Variants in SHOC1 observed in about 807,000 individuals in gnomAD.
SHOC1 encodes protein shortage in chiasmata 1 ortholog.
A neutral mutation model predicts 179.2 loss-of-function variants in SHOC1; 136 were observed. That is an observed-to-expected ratio of 0.76 (90% CI 0.66 to 0.87). The LOEUF (loss-of-function observed/expected upper bound fraction) is 0.87. Among genes scored for constraint, SHOC1 ranks in the 40% least tolerant of loss-of-function variants. The probability of loss-of-function intolerance (pLI) is 0.00; values close to 1 mark genes in which losing one functional copy is unlikely to be tolerated. For missense variants in SHOC1, 1,538 were observed against 1,700.8 expected, an observed-to-expected ratio of 0.90 and a Z score of 1.68; for synonymous variants, 489 against 586.6, an observed-to-expected ratio of 0.83 and a Z score of 2.41.
intron 4 of SHOC1, among the ~76,000 whole-genome samples, chr9:111,777,112 C>T (rs1835864980): frequency 6.6e-6 from 1 of 152,014 alleles, no homozygotes; most frequent in African/African-American, 2.4e-5. Context: ...GGTGGGATCG[C>T]AGAACTGGTT....
Position 111,781,132 on chromosome 9 carries a change from A to G in SHOC1, c.170-115T>C, listed in dbSNP as rs187733028. On this transcript the variant is annotated intron_variant, in intron 3 of 27. Coordinates refer to ENST00000682961, the MANE Select transcript of SHOC1 (RefSeq NM_001378211.1). Reference sequence around the variant, plus strand: ...TTTATCTTTATTTATTCACAAATGTATTTTTTCAAAGTGATACCTGATTCC... The same window carrying G: ...TTTATCTTTATTTATTCACAAATGTGTTTTTTCAAAGTGATACCTGATTCC... The G allele has an allele frequency of 1.5e-5, 11 of 720,594 alleles. No homozygotes were observed. In the African/African-American group the frequency reaches 1.6e-4, roughly 11 times the overall value. 44.6% of individuals were successfully genotyped at this position (720,594 alleles called of 1,614,324 possible).
At chr9:111,737,013 C>A (rs1399696290) in intron 12 of SHOC1, among the ~76,000 whole-genome samples, 1 of 152,096 alleles carries the variant, frequency 6.6e-6, no homozygotes, top group Non-Finnish European at 1.5e-5. Flanking sequence ...CAATGAGGTA[C>A]CATTTCATAT....
chr9:111,701,758 T>C (rs1358570203), intron 23 of SHOC1, among the ~76,000 whole-genome samples: 1 of 152,126 alleles, frequency 6.6e-6, no homozygotes, highest in Non-Finnish European at 1.5e-5. Context: ...ATTTAGACTC[T>C]TACGTTCGAA....
chr9:111,767,536 T>C (rs941600625), intron 5 of SHOC1, among the ~76,000 whole-genome samples: 6 of 152,192 alleles, frequency 3.9e-5, no homozygotes, highest in Non-Finnish European at 7.3e-5. Context: ...TTCTGTTCCA[T>C]TGGTTTATAT....
intron 15 of SHOC1, among the ~76,000 whole-genome samples, chr9:111,721,345 T>G (rs1833039868): frequency 6.6e-6 from 1 of 152,184 alleles, no homozygotes; most frequent in Non-Finnish European, 1.5e-5. Flanking sequence ...TTGTTTGTTT[T>G]TGTTTTTGTT....
intron 12 of SHOC1, among the ~76,000 whole-genome samples, chr9:111,737,528 C>T (rs1025540961): frequency 3.0e-4 from 45 of 151,552 alleles, no homozygotes; most frequent in Admixed American, 1.6e-3. Flanking sequence ...GGCATGGTGG[C>T]GGGCACCTGT....
chr9:111,748,521 C>T lies in SHOC1; in HGVS notation c.863-322G>A, dbSNP rs78368130. ...AGCCACAAACTTCAAAGAATGAGGTCGCTTTGAAGGGTTTCATCTCTATCA... is the reference window on the plus strand; with the variant it reads ...AGCCACAAACTTCAAAGAATGAGGTTGCTTTGAAGGGTTTCATCTCTATCA... On this transcript the variant is annotated intron_variant, in intron 8 of 27. Coordinates refer to ENST00000682961, the MANE Select transcript of SHOC1 (RefSeq NM_001378211.1). Among the ~76,000 whole-genome samples the T allele has an allele frequency of 5.7e-3, 862 of 152,244 alleles. 11 individuals carry two copies. The highest frequency in any genetic ancestry group is 0.019 in the African/African-American group (779 of 41,552).
intron 18 of SHOC1, among the ~76,000 whole-genome samples, chr9:111,710,955 G>T (rs1396646702): frequency 6.6e-6 from 1 of 152,130 alleles, no homozygotes; most frequent in African/African-American, 2.4e-5. Flanking sequence ...TAACCAAAGG[G>T]TGACATAGGT....
At chr9:111,714,855 C>T (rs933710906) in intron 16 of SHOC1, among the ~76,000 whole-genome samples, 7 of 152,180 alleles carry the variant, frequency 4.6e-5, no homozygotes, top group South Asian at 2.1e-4. Context: ...ATGCTACACA[C>T]TCTCTAAATA....
chr9:111,728,596 G>T (rs1833418694), intron 12 of SHOC1, among the ~76,000 whole-genome samples: 1 of 152,154 alleles, frequency 6.6e-6, no homozygotes, highest in African/African-American at 2.4e-5. Flanking sequence ...GCCACATATT[G>T]TATGATTCCA....
intron 5 of SHOC1, among the ~76,000 whole-genome samples, chr9:111,774,647 C>A (rs904774695): frequency 3.3e-5 from 5 of 152,076 alleles, no homozygotes; most frequent in Admixed American, 2.6e-4. Context: ...CTTAATGCAA[C>A]TAATCTCTCT....
intron 5 of SHOC1, among the ~76,000 whole-genome samples, chr9:111,764,791 C>T (rs545961565): frequency 1.8e-4 from 28 of 152,072 alleles, no homozygotes; most frequent in African/African-American, 6.5e-4. Context: ...AAGTGGTTGC[C>T]TCTAGAGAGT....
intron 18 of SHOC1, among the ~76,000 whole-genome samples, chr9:111,711,561 A>G (rs189627571): frequency 6.6e-6 from 1 of 152,282 alleles, no homozygotes; most frequent in East Asian, 1.9e-4. Flanking sequence ...TGCGAGCCTA[A>G]TCTTTTCTGG....
At chr9:111,711,744 GA>G (rs1369100602) in intron 18 of SHOC1, among the ~76,000 whole-genome samples, 2 of 152,130 alleles carry the variant, frequency 1.3e-5, no homozygotes, top group African/African-American at 4.8e-5. Context: ...GTGGAACTAA[GA>G]ATATATAAAA....
At chr9:111,735,721 C>G (rs1216407492) in intron 12 of SHOC1, among the ~76,000 whole-genome samples, 1 of 152,150 alleles carries the variant, frequency 6.6e-6, no homozygotes, top group African/African-American at 2.4e-5. Flanking sequence ...ATTGCTGGGT[C>G]AAATGGTATT....
chr9:111,732,408 A>T (rs1035403419), intron 12 of SHOC1, among the ~76,000 whole-genome samples: 3 of 152,176 alleles, frequency 2.0e-5, no homozygotes, highest in African/African-American at 7.2e-5. Context: ...TTAATTTTTT[A>T]AAAATAAAAA....
rs548606469 is a variant in SHOC1, at chr9:111,777,125, G to A, written c.258-1150C>T. On this transcript the variant is annotated intron_variant, in intron 4 of 27. Transcript: ENST00000682961. ...TGGGTGGGATCGCAGAACTGGTTGA[G>A]CCAGATTACCAGCTAGGTGGTATCA... Among the ~76,000 whole-genome samples the A allele has an allele frequency of 2.0e-5, 3 of 152,258 alleles. No individual in the cohort carries two copies. The South Asian group carries it at 6.2e-4, about 32-fold the overall frequency.
At chr9:111,726,657 T>G (rs1042003332) in intron 13 of SHOC1, among the ~76,000 whole-genome samples, 1 of 152,216 alleles carries the variant, frequency 6.6e-6, no homozygotes, top group Non-Finnish European at 1.5e-5. Context: ...GAAGATCTTG[T>G]GTCTATTAAT....
At chr9:111,785,765 A>C in intron 3 of SHOC1, 147 bp downstream of exon 3, 1 of 551,546 alleles carries the variant, frequency 1.8e-6, no homozygotes, top group Non-Finnish European at 2.8e-6. Context: ...ATAATAAAAT[A>C]CTAAGTTGTT....
Sources: allele counts gnomAD v4.1 joint callset (sites outside exome capture counted in the v4.1 genomes callset), GRCh38; gene constraint gnomAD v4.1.1; transcripts MANE v1.5; gene names NCBI Gene and HGNC (gene_info 2026-07-23, HGNC 2026-07-21).